The following KIAA0586 variants were observed in gnomAD, a reference collection of about 807,000 sequenced individuals.
KIAA0586 encodes the protein KIAA0586.
KIAA0586 carries 144 observed loss-of-function variants against 169.8 expected under a neutral mutation model. The ratio of observed to expected loss-of-function variants is 0.85; its 90% confidence interval spans 0.74 to 0.97. The LOEUF (loss-of-function observed/expected upper bound fraction) is 0.97. Among genes scored for constraint, KIAA0586 ranks in the 50% least tolerant of loss-of-function variants. KIAA0586 has a pLI of 0.00. For missense variants in KIAA0586, 1,854 were observed against 1,823.0 expected (o/e 1.02, Z -0.31); for synonymous variants, 625 against 612.4 (o/e 1.02, Z -0.30).
At chr14:58,521,766 G>T in intron 29 of KIAA0586, 1 of 805,952 alleles carries the variant, frequency 1.2e-6, no homozygotes, top group Non-Finnish European at 2.2e-6. Context: ...GATGAAGGAT[G>T]ATAAGTCGGA....
intron 29 of KIAA0586, among the ~76,000 whole-genome samples, chr14:58,530,952 G>T (rs537618720): frequency 6.6e-6 from 1 of 152,138 alleles, no homozygotes; most frequent in South Asian, 2.1e-4. Flanking sequence ...TCTGACAAAG[G>T]GCTAATATCT....
intron 4 of KIAA0586, among the ~76,000 whole-genome samples, chr14:58,442,266 C>G (rs546078446): frequency 2.6e-4 from 39 of 152,106 alleles, no homozygotes; most frequent in African/African-American, 9.2e-4. Context: ...CATGCCACCA[C>G]GCCCGGCTAA....
chr14:58,443,454 A>C (rs900179253), intron 5 of KIAA0586, among the ~76,000 whole-genome samples: 5 of 152,152 alleles, frequency 3.3e-5, no homozygotes, highest in Admixed American at 1.3e-4. Flanking sequence ...ACGGAGTCTC[A>C]CTCTGTTGCC....
At chr14:58,469,475 C>A (rs910458937) in intron 16 of KIAA0586, among the ~76,000 whole-genome samples, 1 of 152,160 alleles carries the variant, frequency 6.6e-6, no homozygotes, top group Non-Finnish European at 1.5e-5. Context: ...CTTCGGGAGA[C>A]CTGGGGACAC....
At chr14:58,446,971 T>C (rs897942027) in intron 6 of KIAA0586, among the ~76,000 whole-genome samples, 11 of 152,108 alleles carry the variant, frequency 7.2e-5, no homozygotes, top group Admixed American at 1.3e-4. Context: ...CCTTAAGGAG[T>C]GGCTCCTACT....
intron 21 of KIAA0586, among the ~76,000 whole-genome samples, chr14:58,485,601 AC>A (rs1309318290): frequency 1.3e-5 from 2 of 152,212 alleles, no homozygotes; most frequent in Non-Finnish European, 2.9e-5. Flanking sequence ...TTATTTGATA[AC>A]TCTGAGGAAG....
chr14:58,478,039 G>T (rs1468122656), intron 20 of KIAA0586, among the ~76,000 whole-genome samples: 1 of 152,012 alleles, frequency 6.6e-6, no homozygotes, highest in Non-Finnish European at 1.5e-5. Context: ...TAGAGCCAGG[G>T]TCTCCCTCTG....
At chr14:58,467,537 G>A (rs930736625) in intron 15 of KIAA0586, among the ~76,000 whole-genome samples, 198 bp from the exon 16 acceptor site, 5 of 152,308 alleles carry the variant, frequency 3.3e-5, no homozygotes, top group African/African-American at 1.2e-4. Context: ...GATGTGAAGC[G>A]TTGAGTACAT....
intron 1 of KIAA0586, 61 bp from the exon 2 acceptor site, chr14:58,429,302 A>G: frequency 8.1e-6 from 8 of 989,682 alleles, no homozygotes; most frequent in East Asian, 2.4e-5. Context: ...ATGCATATAC[A>G]GTTTCTAAAG....
At chr14:58,465,807 A>AAATATTGTTAG in intron 14 of KIAA0586, 28 bp from the exon 15 acceptor site, 1 of 1,366,604 alleles carries the variant, frequency 7.3e-7, no homozygotes, top group Non-Finnish European at 1.0e-6. Context: ...CAATATTTTA[A>AAATATTGTTAG]AATATCTGCC....
rs1357853363 is a variant in KIAA0586 at position 58,521,390 on chromosome 14, G to C, written c.4429+8763G>C. 26 of 906,808 alleles carry C rather than the reference G, an allele frequency of 2.9e-5. No individual in the cohort carries two copies. In the South Asian group the frequency reaches 3.1e-4, roughly 11 times the overall value. 56.2% of individuals were successfully genotyped at this position (906,808 alleles called of 1,614,324 possible). On this transcript the variant is annotated intron_variant, in intron 29 of 30. Transcript: ENST00000652326. ...TTCATAAGGGCTTTGCCTTTGTTTAGTATGTTAATGAGAGAAATGCCCGGG... is the reference window on the plus strand; with the variant it reads ...TTCATAAGGGCTTTGCCTTTGTTTACTATGTTAATGAGAGAAATGCCCGGG...
chr14:58,488,574 G>A (rs769899047), intron 23 of KIAA0586, 47 bp from the exon 24 acceptor site: 17 of 1,598,544 alleles, frequency 1.1e-5, no homozygotes, highest in Non-Finnish European at 1.5e-5. Flanking sequence ...AATGAATACA[G>A]GCCTTCAGTG....
At chr14:58,482,814 T>C in intron 21 of KIAA0586, 102 bp downstream of exon 21, 1 of 842,150 alleles carries the variant, frequency 1.2e-6, no homozygotes, top group African/African-American at 1.7e-5. Flanking sequence ...ATTATTATCA[T>C]TTTTAGAGAC....
chr14:58,469,978 C>G (rs1216107098), intron 16 of KIAA0586, among the ~76,000 whole-genome samples: 1 of 151,310 alleles, frequency 6.6e-6, no homozygotes, highest in Admixed American at 6.7e-5. Flanking sequence ...TTCACCAGTA[C>G]TTCCAAGAAT....
At chr14:58,537,304 A>G in intron 29 of KIAA0586, 1 of 386,544 alleles carries the variant, frequency 2.6e-6, no homozygotes, top group Non-Finnish European at 3.6e-6. Flanking sequence ...GGAGAGTTTT[A>G]TGTTTACAAT....
rs530982506 is a variant in KIAA0586 at position 58,442,881 on chromosome 14, G to T, written c.585+1G>T. 3 of 1,595,230 alleles carry T rather than the reference G, an allele frequency of 1.9e-6. No individual in the cohort carries two copies. The highest frequency in any genetic ancestry group is 2.7e-5 in the African/African-American group (2 of 74,380). ...TGCAACCGCAGCTCCGTTGATAAAGGTATATTTTTCTTCCCAGATAATCAT... is the reference window on the plus strand; with the variant it reads ...TGCAACCGCAGCTCCGTTGATAAAGTTATATTTTTCTTCCCAGATAATCAT... On this transcript the variant is annotated splice_donor_variant, in intron 5 of 30. Coordinates refer to ENST00000652326, the MANE Select transcript of KIAA0586 (RefSeq NM_001329943.3). LOFTEE classifies it high-confidence loss of function.
chr14:58,551,016 C>G lies in KIAA0586; in HGVS notation c.*3084C>G, dbSNP rs982838951. The G allele has an allele frequency of 6.6e-6, 1 of 151,802 alleles. No individual in the cohort carries two copies. The highest frequency in any genetic ancestry group is 2.4e-5 in the African/African-American group (1 of 41,242). The allele number at this position is 151,802 out of a possible 1,614,324, so 9.4% of individuals were successfully genotyped here. On this transcript the variant is annotated 3_prime_UTR_variant, in exon 31 of 31. Coordinates refer to ENST00000652326, the MANE Select transcript of KIAA0586 (RefSeq NM_001329943.3). ...CCAGTCTGGCCAACATGGTGAAACC[C>G]CATCTCTACTAAAAATACAAAAATT...
chr14:58,444,235 A>G (rs1424262291), intron 6 of KIAA0586, 60 bp downstream of exon 6: 1 of 1,074,440 alleles, frequency 9.3e-7, no homozygotes, highest in South Asian at 1.4e-5. Flanking sequence ...TCTCTCAGCC[A>G]GTATTCATTG....
intron 20 of KIAA0586, among the ~76,000 whole-genome samples, chr14:58,478,356 A>G (rs1018481825): frequency 6.6e-6 from 1 of 152,166 alleles, no homozygotes; most frequent in East Asian, 1.9e-4. Flanking sequence ...GGTGACACAC[A>G]CTTGTAATTG....
Sources: gnomAD v4.1 joint callset for allele counts (sites outside exome capture counted in the v4.1 genomes callset) on GRCh38, gnomAD v4.1.1 for gene constraint, MANE v1.5 for transcripts, NCBI Gene and HGNC (gene_info 2026-07-23, HGNC 2026-07-21) for gene names.